The following KIAA1217 variants were observed in gnomAD, a reference collection of about 807,000 sequenced individuals.
The protein encoded by KIAA1217 is sickle tail protein homolog.
In KIAA1217, 88 loss-of-function variants were observed where a neutral mutation model predicts 163.9. The observed-to-expected ratio is 0.54, with a 90% CI of 0.45 to 0.64. The LOEUF (loss-of-function observed/expected upper bound fraction) is 0.64. Among genes scored for constraint, KIAA1217 ranks in the 30% least tolerant of loss-of-function variants. The probability of loss-of-function intolerance (pLI) is 0.00; values close to 1 mark genes in which losing one functional copy is unlikely to be tolerated. For missense variants in KIAA1217, 2,372 were observed against 2,475.0 expected, an observed-to-expected ratio of 0.96 and a Z score of 0.88; for synonymous variants, 903 against 923.1, an observed-to-expected ratio of 0.98 and a Z score of 0.39.
At chr10:23,938,260 C>T (rs902631763) in intron 1 of KIAA1217, among the ~76,000 whole-genome samples, 1 of 152,040 alleles carries the variant, frequency 6.6e-6, no homozygotes, top group Non-Finnish European at 1.5e-5. Flanking sequence ...TAGAGTGCTT[C>T]GATGGGTATT....
intron 14 of KIAA1217, among the ~76,000 whole-genome samples, chr10:24,530,463 G>T (rs1488848683): frequency 6.6e-6 from 1 of 152,094 alleles, no homozygotes; most frequent in Non-Finnish European, 1.5e-5. Context: ...TAATTTATTT[G>T]TCATGGAGTT....
chr10:24,150,769 C>T (rs1278295068), intron 2 of KIAA1217, among the ~76,000 whole-genome samples: 1 of 152,124 alleles, frequency 6.6e-6, no homozygotes, highest in Non-Finnish European at 1.5e-5. Flanking sequence ...TCTCTAGCTT[C>T]TGTGTGGCTT....
At chr10:24,207,054 G>A (rs1303137431), upstream of KIAA1217, among the ~76,000 whole-genome samples, 1 of 152,152 alleles carries the variant, frequency 6.6e-6, no homozygotes. Context: ...TAGCCAGGAG[G>A]GCCCTGGGGC....
chr10:23,925,492 T>C (rs1842986902), intron 1 of KIAA1217, among the ~76,000 whole-genome samples: 1 of 152,232 alleles, frequency 6.6e-6, no homozygotes, highest in Non-Finnish European at 1.5e-5. Flanking sequence ...ATCAGTCTCT[T>C]TTGACTGTCG....
chr10:24,537,461 C>T (rs1000623712), intron 17 of KIAA1217, among the ~76,000 whole-genome samples: 36 of 151,944 alleles, frequency 2.4e-4, no homozygotes, highest in African/African-American at 8.4e-4. Flanking sequence ...CCTCTATTCT[C>T]AGCTACTCGG....
At chr10:23,981,612 G>A (rs1845768374) in intron 1 of KIAA1217, among the ~76,000 whole-genome samples, 1 of 152,062 alleles carries the variant, frequency 6.6e-6, no homozygotes, top group Non-Finnish European at 1.5e-5. Context: ...ATTTTTTATG[G>A]TCAGAACAAA....
rs145323357 is a variant in KIAA1217, at chr10:24,059,990, G to A, written c.-171+52616G>A. 5.1e-3 allele frequency among the ~76,000 whole-genome samples: 772 copies of A among 152,284 alleles called. 5 individuals carry two copies. Among genetic ancestry groups the A allele is most frequent in the Admixed American group, 7.6e-3 (117 of 15,300 alleles). ...AGTAGTCTCTTACAATCTATTCATA[G>A]TAGTCCCTTATGATCCTTTTTTCCT... On this transcript the variant is annotated intron_variant, in intron 2 of 18. Transcript: ENST00000376462.
chr10:24,180,660 G>A (rs986454755), intron 2 of KIAA1217, among the ~76,000 whole-genome samples: 3 of 152,128 alleles, frequency 2.0e-5, no homozygotes, highest in Non-Finnish European at 4.4e-5. Context: ...CAGACCTCCA[G>A]CTATATCAAG....
At chr10:23,791,441 A>G (rs1042180815) in intron 1 of KIAA1217, among the ~76,000 whole-genome samples, 2 of 152,190 alleles carry the variant, frequency 1.3e-5, no homozygotes, top group African/African-American at 4.8e-5. Context: ...TTATTCCTAA[A>G]TACTTAGAAA....
chr10:24,382,494 T>G (rs1403549091), intron 3 of KIAA1217, among the ~76,000 whole-genome samples: 1 of 152,154 alleles, frequency 6.6e-6, no homozygotes, highest in Non-Finnish European at 1.5e-5. Context: ...TTAAATTTTG[T>G]GTCAAATTAA....
Position 24,507,500 on chromosome 10 carries a change from G to T in KIAA1217, c.2002-5759G>T, listed in dbSNP as rs181584258. ...TATCCAAGTGGAGCTTTCAAGAGCT[G>T]AAAAACAATATCCAAATGTGCTTAA... On this transcript the variant is annotated intron_variant, in intron 9 of 20. Transcript: ENST00000376454. 4.6e-5 allele frequency among the ~76,000 whole-genome samples: 7 copies of T among 152,278 alleles called. No individual in the cohort carries two copies. In the East Asian group the frequency reaches 7.7e-4, roughly 17 times the overall value.
At chr10:24,301,025 C>G (rs2041262119) in intron 2 of KIAA1217, among the ~76,000 whole-genome samples, 1 of 152,136 alleles carries the variant, frequency 6.6e-6, no homozygotes, top group Admixed American at 6.5e-5. Flanking sequence ...GTTGGCCAAG[C>G]CTGTCTTGAA....
At chr10:24,146,704 A>C (rs890464361) in intron 2 of KIAA1217, among the ~76,000 whole-genome samples, 3 of 152,054 alleles carry the variant, frequency 2.0e-5, no homozygotes, top group African/African-American at 7.2e-5. Context: ...AAAAAGAAAA[A>C]AGAAATGTCC....
At chr10:24,322,367 C>T (rs2044285338) in intron 2 of KIAA1217, among the ~76,000 whole-genome samples, 1 of 152,054 alleles carries the variant, frequency 6.6e-6, no homozygotes, top group Non-Finnish European at 1.5e-5. Context: ...GTCTAAGGTG[C>T]GGGGTAATCT....
chr10:23,778,042 A>G (rs1199314722), intron 1 of KIAA1217, among the ~76,000 whole-genome samples: 1 of 152,062 alleles, frequency 6.6e-6, no homozygotes, highest in African/African-American at 2.4e-5. Context: ...TCCGGGTTCA[A>G]GTGATTCTCC....
chr10:24,279,832 T>C (rs1437469716), intron 2 of KIAA1217, among the ~76,000 whole-genome samples: 1 of 152,192 alleles, frequency 6.6e-6, no homozygotes, highest in Non-Finnish European at 1.5e-5. Flanking sequence ...ATATTGCTAG[T>C]GGACAGAAAA....
intron 2 of KIAA1217, among the ~76,000 whole-genome samples, chr10:24,248,697 A>AAAAAAG (rs2074130142): frequency 6.7e-6 from 1 of 150,342 alleles, no homozygotes; most frequent in South Asian, 2.1e-4. Context: ...AAAAAAAAAA[A>AAAAAAG]TGTCCCTCAT....
chr10:23,739,573 G>A (rs1307332540), intron 1 of KIAA1217, among the ~76,000 whole-genome samples: 1 of 152,162 alleles, frequency 6.6e-6, no homozygotes, highest in African/African-American at 2.4e-5. Flanking sequence ...CAAGGGATGA[G>A]GTCCAGTGAA....
At chr10:23,709,386 G>A (rs1837087798) in intron 1 of KIAA1217, among the ~76,000 whole-genome samples, 1 of 151,986 alleles carries the variant, frequency 6.6e-6, no homozygotes, top group South Asian at 2.1e-4. Context: ...AAATTAGCCA[G>A]GCACGGTGGT....
Sources: allele counts gnomAD v4.1 joint callset (sites outside exome capture counted in the v4.1 genomes callset), GRCh38; gene constraint gnomAD v4.1.1; transcripts MANE v1.5; gene names NCBI Gene and HGNC (gene_info 2026-07-23, HGNC 2026-07-21).